The following DIAPH2 variants were observed in gnomAD, a reference collection of about 807,000 sequenced individuals.
DIAPH2 encodes protein diaphanous homolog 2.
Under a neutral mutation model 92.7 loss-of-function variants are expected in DIAPH2, and 35 were observed. The ratio of observed to expected loss-of-function variants is 0.38; its 90% CI spans 0.29 to 0.50. The LOEUF (loss-of-function observed/expected upper bound fraction) is 0.50, where lower values mean the gene tolerates loss of function less well. Among genes scored for constraint, DIAPH2 ranks in the 20% least tolerant of loss-of-function variants. The probability of loss-of-function intolerance (pLI) is 0.94; values close to 1 mark genes in which losing one functional copy is unlikely to be tolerated. For synonymous variants in DIAPH2, 301 were observed against 280.4 expected, an observed-to-expected ratio of 1.07 and a Z score of -0.73; for missense variants, 701 against 819.5, an observed-to-expected ratio of 0.86 and a Z score of 1.77.
chrX:97,510,569 C>A (rs1484816325), intron 26 of DIAPH2, among the ~76,000 whole-genome samples: 7 of 104,839 alleles, frequency 6.7e-5, no homozygotes, highest in Non-Finnish European at 1.4e-4. Context: ...GTGTTTTAGA[C>A]ATGAAGTCCT....
chrX:97,287,117 T>C (rs1020626048), intron 23 of DIAPH2, among the ~76,000 whole-genome samples: 2 of 111,540 alleles, frequency 1.8e-5, no homozygotes, highest in Non-Finnish European at 3.8e-5. Flanking sequence ...TTTTGGAGCC[T>C]GGACAACATG....
intron 17 of DIAPH2, among the ~76,000 whole-genome samples, chrX:97,007,982 T>C (rs1168019407): frequency 9.6e-6 from 1 of 104,020 alleles, no homozygotes; most frequent in African/African-American, 3.5e-5. Flanking sequence ...CAGGATGGTC[T>C]CAATTTCCTG....
At chrX:96,686,346 G>A (rs1199777405) in intron 1 of DIAPH2, among the ~76,000 whole-genome samples, 1 of 110,854 alleles carries the variant, frequency 9.0e-6, no homozygotes, top group East Asian at 2.8e-4. Context: ...CAAATGGTTT[G>A]GTACGTCTAG....
chrX:96,923,351 C>G (rs1286298436), intron 9 of DIAPH2, among the ~76,000 whole-genome samples: 1 of 111,678 alleles, frequency 9.0e-6, no homozygotes, highest in Non-Finnish European at 1.9e-5. Flanking sequence ...TAAATATGCC[C>G]TTTCCTGATG....
intron 26 of DIAPH2, among the ~76,000 whole-genome samples, chrX:97,563,831 GA>G (rs748272683): frequency 2.0e-3 from 210 of 104,267 alleles, no homozygotes; most frequent in African/African-American, 6.6e-3. Flanking sequence ...ACCATTCTGT[GA>G]AAAAAAAAAA....
intron 17 of DIAPH2, among the ~76,000 whole-genome samples, chrX:97,015,494 C>A (rs1392786664): frequency 3.6e-5 from 4 of 111,584 alleles, no homozygotes; most frequent in Non-Finnish European, 7.5e-5. Flanking sequence ...TTCTGACAAT[C>A]CTTCCAAGCT....
intron 4 of DIAPH2, among the ~76,000 whole-genome samples, chrX:96,767,372 T>C (rs751281517): frequency 3.6e-5 from 4 of 110,773 alleles, no homozygotes; most frequent in African/African-American, 1.3e-4. Context: ...CTATCCAAGG[T>C]CACATACTAG....
chrX:96,684,886 G>C lies in DIAPH2; in HGVS notation c.-173G>C, dbSNP rs930996068. ...GCAACGGCGTGGTTGCGTCGGGGGT[G>C]CCTGGGAGCCTGGAGTCCCGGGGGC... On this transcript the variant is annotated 5_prime_UTR_variant, in exon 1 of 27. Transcript: ENST00000324765. The C allele has an allele frequency of 1.8e-5, 9 of 513,428 alleles. No homozygotes were observed. In the African/African-American group the frequency reaches 2.0e-4, roughly 11 times the overall value. The allele number at this position is 513,428 out of a possible 1,213,427, so 42.3% of individuals were successfully genotyped here.
intron 25 of DIAPH2, among the ~76,000 whole-genome samples, chrX:97,398,903 C>T (rs935082776): frequency 1.8e-4 from 20 of 109,957 alleles, no homozygotes; most frequent in Admixed American, 2.9e-4. Context: ...CCCACCACCA[C>T]GCCTGGCTAA....
intron 26 of DIAPH2, among the ~76,000 whole-genome samples, chrX:97,505,304 G>T (rs1454951056): frequency 9.0e-6 from 1 of 111,630 alleles, no homozygotes; most frequent in Non-Finnish European, 1.9e-5. Context: ...CAACAAGGGG[G>T]AGTAACCAGG....
At chrX:97,027,116 A>G (rs951973372) in intron 17 of DIAPH2, among the ~76,000 whole-genome samples, 29 of 112,078 alleles carry the variant, frequency 2.6e-4, no homozygotes, top group African/African-American at 9.1e-4. Flanking sequence ...ATTCATTCTG[A>G]TGGTTATTTT....
intron 23 of DIAPH2, among the ~76,000 whole-genome samples, chrX:97,273,441 T>C (rs981413364): frequency 1.8e-5 from 2 of 111,959 alleles, no homozygotes; most frequent in African/African-American, 6.5e-5. Context: ...GCATGATAAA[T>C]ACATTGTGTT....
At chrX:97,331,308 CAG>C (rs1346219683) in intron 23 of DIAPH2, among the ~76,000 whole-genome samples, 1 of 111,756 alleles carries the variant, frequency 8.9e-6, no homozygotes, top group Non-Finnish European at 1.9e-5. Context: ...AAATGTCTTT[CAG>C]AGTTAAATAA....
At chrX:97,125,471 CAAAAAAAAAAAA>C (rs1159049051) in intron 21 of DIAPH2, among the ~76,000 whole-genome samples, 952 of 19,197 alleles carry the variant, frequency 0.05, 12 homozygotes, top group Non-Finnish European at 0.1. Context: ...GACTCCGTCT[CAAAAAAAAAAAA>C]AAAAAAAAAA....
intron 1 of DIAPH2, among the ~76,000 whole-genome samples, chrX:96,717,372 T>C (rs918746321): frequency 6.3e-5 from 7 of 110,928 alleles, no homozygotes; most frequent in Non-Finnish European, 1.1e-4. Context: ...AGCACTGAAG[T>C]CTGACTGTTA....
chrX:96,817,156 C>T (rs2064742262), intron 4 of DIAPH2, among the ~76,000 whole-genome samples: 1 of 111,747 alleles, frequency 8.9e-6, no homozygotes, highest in South Asian at 3.7e-4. Flanking sequence ...TTTGCTAGCA[C>T]AATAGGGTGG....
At chrX:97,283,697 C>G (rs767215825) in intron 23 of DIAPH2, among the ~76,000 whole-genome samples, 35 of 112,896 alleles carry the variant, frequency 3.1e-4, no homozygotes, top group Non-Finnish European at 1.9e-4. Flanking sequence ...AATCCCAGCA[C>G]TTTGGGAGGC....
intron 4 of DIAPH2, among the ~76,000 whole-genome samples, chrX:96,812,364 A>ATATC (rs1174577957): frequency 5.4e-5 from 6 of 111,723 alleles, no homozygotes; most frequent in Non-Finnish European, 1.1e-4. Flanking sequence ...ATTGGTGCTG[A>ATATC]TATCCCCTTT....
At chrX:96,754,225 C>G (rs1473270684) in intron 3 of DIAPH2, among the ~76,000 whole-genome samples, 2 of 111,978 alleles carry the variant, frequency 1.8e-5, no homozygotes, top group Admixed American at 9.5e-5. Context: ...GAAGACTTCT[C>G]TGACCTTTCC....
Sources: gnomAD v4.1 joint callset for allele counts (sites outside exome capture counted in the v4.1 genomes callset) on GRCh38, gnomAD v4.1.1 for gene constraint, MANE v1.5 for transcripts, NCBI Gene and HGNC (gene_info 2026-07-23, HGNC 2026-07-21) for gene names.